CDH4: variants seen among roughly 807,000 people sequenced by gnomAD.
The protein encoded by CDH4 is cadherin-4.
In CDH4, 33 loss-of-function variants were observed where a neutral mutation model predicts 86.0. That is an observed-to-expected ratio of 0.38 (90% CI 0.29 to 0.51). The LOEUF is 0.51. CDH4 is among the 20% of genes least tolerant of loss of function. The pLI is 0.86. For missense variants in CDH4, 1,114 were observed against 1,307.4 expected, an observed-to-expected ratio of 0.85 and a Z score of 2.28; for synonymous variants, 555 against 549.4, an observed-to-expected ratio of 1.01 and a Z score of -0.14.
At position 61,394,233 on chromosome 20, in the gene CDH4, C is replaced by T. The variant is rs183943245; in HGVS notation, c.169+139296C>T. ...GTCCCCACCGATCTCAGAGGTGCCC[C>T]TTCTCCTGGACATCTTCATTTCCAC... On this transcript the variant is annotated intron_variant, in intron 2 of 15. Coordinates refer to ENST00000614565, the MANE Select transcript of CDH4 (RefSeq NM_001794.5). 4.7e-4 allele frequency among the ~76,000 whole-genome samples: 71 copies of T among 152,198 alleles called. 1 individual carries two copies. Among genetic ancestry groups the T allele is most frequent in the Admixed American group, 4.3e-3 (66 of 15,300 alleles).
intron 2 of CDH4, among the ~76,000 whole-genome samples, chr20:61,394,597 G>C (rs1357183386): frequency 6.6e-6 from 1 of 151,726 alleles, no homozygotes; most frequent in Non-Finnish European, 1.5e-5. Flanking sequence ...GGCGGGGTGA[G>C]GACTGCGGCC....
intron 2 of CDH4, among the ~76,000 whole-genome samples, chr20:61,363,186 C>T (rs2084793665): frequency 6.6e-6 from 1 of 152,210 alleles, no homozygotes. Context: ...ACCTGATGCA[C>T]ATGTGTGAGC....
intron 2 of CDH4, among the ~76,000 whole-genome samples, chr20:61,625,322 T>C (rs1481600396): frequency 6.6e-6 from 1 of 152,192 alleles, no homozygotes; most frequent in Non-Finnish European, 1.5e-5. Flanking sequence ...TCATTCAACA[T>C]TCAAATATTT....
At chr20:61,720,790 C>T (rs1568776737) in intron 2 of CDH4, among the ~76,000 whole-genome samples, 1 of 152,084 alleles carries the variant, frequency 6.6e-6, no homozygotes, top group Non-Finnish European at 1.5e-5. Flanking sequence ...GTCGGGGAGG[C>T]GTGTTCTCTC....
intron 2 of CDH4, among the ~76,000 whole-genome samples, chr20:61,292,698 G>A (rs943401933): frequency 8.5e-5 from 13 of 152,390 alleles, no homozygotes; most frequent in African/African-American, 2.2e-4. Flanking sequence ...GCGCACTCAC[G>A]CCCTTATGCG....
At chr20:61,399,695 C>T (rs190022871) in intron 2 of CDH4, among the ~76,000 whole-genome samples, 1 of 152,318 alleles carries the variant, frequency 6.6e-6, no homozygotes, top group Non-Finnish European at 1.5e-5. Context: ...CATCCATCAC[C>T]CACGAAGCAC....
Position 61,501,747 on chromosome 20 carries a change from T to G in CDH4, c.170-241816T>G. Among the ~76,000 whole-genome samples the G allele has an allele frequency of 6.6e-6, 1 of 152,108 alleles. No homozygotes were observed. The highest frequency in any genetic ancestry group is 1.5e-5 in the Non-Finnish European group (1 of 68,018). The stretch of plus-strand genomic sequence containing the variant: ...ACCACCCCGCCACTGCCTCCACCAT[T>G]CGTTAGGGAGCCACTCATTATGGGA... On this transcript the variant is annotated intron_variant, in intron 2 of 15. Coordinates refer to ENST00000614565, the MANE Select transcript of CDH4 (RefSeq NM_001794.5). This position sits in a 1 kb window ranked among gnomAD's most constrained non-coding sequence, Gnocchi z 4.2.
intron 2 of CDH4, among the ~76,000 whole-genome samples, chr20:61,471,239 T>A (rs1456881358): frequency 6.6e-6 from 1 of 152,110 alleles, no homozygotes; most frequent in Non-Finnish European, 1.5e-5. Flanking sequence ...ATTTTCTTCA[T>A]GATTAAATAT....
intron 2 of CDH4, among the ~76,000 whole-genome samples, chr20:61,346,101 C>T (rs1189186959): frequency 1.3e-5 from 2 of 152,186 alleles, no homozygotes; most frequent in Non-Finnish European, 2.9e-5. Context: ...GCAGGGAAAC[C>T]AGCATCATGG....
intron 6 of CDH4, among the ~76,000 whole-genome samples, chr20:61,868,380 G>T (rs1352997461): frequency 1.3e-5 from 2 of 152,202 alleles, no homozygotes; most frequent in Non-Finnish European, 2.9e-5. Flanking sequence ...AGCCTGGCTG[G>T]TTCCTGCCGC....
At chr20:61,454,020 G>A (rs2085394136) in intron 2 of CDH4, among the ~76,000 whole-genome samples, 1 of 152,206 alleles carries the variant, frequency 6.6e-6, no homozygotes, top group Non-Finnish European at 1.5e-5. Context: ...CCCCAGCCCT[G>A]TGGAACTGTG....
rs1447593808 is a variant in CDH4 at position 61,811,549 on chromosome 20, A to G, written c.577-33119A>G. On this transcript the variant is annotated intron_variant, in intron 4 of 15. Coordinates refer to ENST00000614565, the MANE Select transcript of CDH4 (RefSeq NM_001794.5). This position sits in a 1 kb window ranked among gnomAD's most constrained non-coding sequence, Gnocchi z 4.4. ...AAATGGTGGTTCCCTAGCCCAGAAC[A>G]TCCCAGGGCTCCCTGGCCTTGCCAG... 6.6e-6 allele frequency among the ~76,000 whole-genome samples: 1 copy of G among 152,144 alleles called. No individual in the cohort carries two copies. The highest frequency in any genetic ancestry group is 6.5e-5 in the Admixed American group (1 of 15,288).
Position 61,374,562 on chromosome 20 carries a change from G to A in CDH4, c.169+119625G>A, listed in dbSNP as rs530441679. 4.6e-5 allele frequency among the ~76,000 whole-genome samples: 7 copies of A among 152,264 alleles called. No homozygotes were observed. In the East Asian group the frequency reaches 5.8e-4, roughly 13 times the overall value. On this transcript the variant is annotated intron_variant, in intron 2 of 15. Coordinates refer to ENST00000614565, the MANE Select transcript of CDH4 (RefSeq NM_001794.5). ...TGTGAGATGGGATGACGGTAGTACC[G>A]ATCTCACACAGTTGTCACAGGTGTA... is the stretch of plus-strand genomic sequence containing the variant.
intron 9 of CDH4, among the ~76,000 whole-genome samples, chr20:61,916,417 A>G (rs2054904052): frequency 6.6e-6 from 1 of 152,278 alleles, no homozygotes; most frequent in Non-Finnish European, 1.5e-5. Flanking sequence ...CCAGAGGCTT[A>G]TGACTCACAC....
intron 12 of CDH4, among the ~76,000 whole-genome samples, chr20:61,928,965 G>T (rs2055075857): frequency 6.6e-6 from 1 of 152,084 alleles, no homozygotes; most frequent in African/African-American, 2.4e-5. Context: ...TGTATATCCT[G>T]ATTACCAGTG....
chr20:61,588,511 C>T (rs927132621), intron 2 of CDH4, among the ~76,000 whole-genome samples: 3 of 152,204 alleles, frequency 2.0e-5, no homozygotes, highest in Non-Finnish European at 2.9e-5. Flanking sequence ...GTTCCAGACA[C>T]GAGTAGCCGT....
At chr20:61,611,426 G>T (rs1000092209) in intron 2 of CDH4, among the ~76,000 whole-genome samples, 14 of 152,044 alleles carry the variant, frequency 9.2e-5, no homozygotes, top group African/African-American at 3.4e-4. Context: ...CAATCCCTGA[G>T]GATCTGCCAT....
Position 61,929,653 on chromosome 20 carries a change from G to T in CDH4, c.2050G>T (p.Gly684Trp). ...LSLRILYLEA[G>W]MYDVPIIVTD... ...CTTGCGCATCCTGTACCTGGAGGCC[G>T]GGATGTATGACGTCCCCATCATCGT... The change falls in exon 13 of 16, where the codon GGG (glycine) becomes TGG (tryptophan). Residue 684 changes from glycine (G) to tryptophan (W), a missense_variant. Transcript: ENST00000614565. 6.2e-7 allele frequency: 1 copy of T among 1,614,100 alleles called. No homozygotes were observed. The highest frequency in any genetic ancestry group is 8.5e-7 in the Non-Finnish European group (1 of 1,180,022).
chr20:61,820,389 G>A (rs939206078), intron 4 of CDH4, among the ~76,000 whole-genome samples: 14 of 152,264 alleles, frequency 9.2e-5, no homozygotes, highest in Admixed American at 3.9e-4. Context: ...GGACAGCCAC[G>A]CAGCTGCGGG....
Sources: gnomAD v4.1 joint callset for allele counts (sites outside exome capture counted in the v4.1 genomes callset) on GRCh38, gnomAD v4.1.1 for gene constraint, Gnocchi (gnomAD v3.1) non-coding constraint, MANE v1.5 for transcripts, NCBI Gene and HGNC (gene_info 2026-07-23, HGNC 2026-07-21) for gene names.